Variants in DOP1B observed in about 807,000 individuals in gnomAD.
DOP1B encodes protein DOP1B.
A neutral mutation model predicts 233.5 loss-of-function variants in DOP1B; 174 were observed. The observed-to-expected ratio is 0.75, with a 90% CI of 0.66 to 0.85. The LOEUF is 0.85. DOP1B is among the 40% of genes least tolerant of loss of function. The pLI is 0.00. For missense variants in DOP1B, 2,652 were observed against 2,846.6 expected (o/e 0.93, Z 1.56); for synonymous variants, 1,190 against 1,185.6 (o/e 1.00, Z -0.08).
intron 2 of DOP1B, among the ~76,000 whole-genome samples, chr21:36,165,418 G>A (rs1020381135): frequency 1.3e-5 from 2 of 152,076 alleles, no homozygotes; most frequent in African/African-American, 4.8e-5. Context: ...GCATGTGTGT[G>A]CATACGTGTG....
intron 12 of DOP1B, among the ~76,000 whole-genome samples, chr21:36,227,472 G>A (rs376121796): frequency 0.015 from 2,220 of 151,770 alleles, 23 homozygotes; most frequent in Admixed American, 0.022. Flanking sequence ...GCGTGAACCC[G>A]GGAGGCTGAG....
rs114471759 is a variant in DOP1B, at chr21:36,230,686, C to T, written c.1902C>T (p.Ile634=). Residue 634 remains isoleucine (I), a synonymous_variant, in exon 14 of 37, where the codon ATC becomes ATT. Coordinates refer to ENST00000691173, the MANE Select transcript of DOP1B (RefSeq NM_001320714.2). The part of the protein sequence containing the change: ...QRTFLCIQEL[I]ANFASKNIFG... ...CGTTTCTTTGCATCCAAGAGCTAAT[C>T]GCCAACTTTGCCAGCAAGAACATTT... The T allele has an allele frequency of 2.2e-3, 3,529 of 1,614,136 alleles. 16 individuals are homozygous for T. The highest frequency in any genetic ancestry group is 0.016 in the African/African-American group (1,170 of 75,024).
intron 1 of DOP1B, among the ~76,000 whole-genome samples, chr21:36,159,199 C>T (rs1272896194): frequency 6.6e-6 from 1 of 152,128 alleles, no homozygotes; most frequent in African/African-American, 2.4e-5. Context: ...TGCCTGTAAT[C>T]CCAGTACTTT....
chr21:36,209,713 A>G (rs1601413708), intron 5 of DOP1B, among the ~76,000 whole-genome samples: 1 of 152,206 alleles, frequency 6.6e-6, no homozygotes, highest in East Asian at 1.9e-4. Context: ...CTTCCCTGGT[A>G]ACGACATCCC....
chr21:36,210,577 G>A lies in DOP1B; in HGVS notation c.682-976G>A, dbSNP rs371415902. ...AAGGAATCGCTTGAACCTGGGAGGC[G>A]GGGGTTGCAGTGAGCTAAGATTGCA... On this transcript the variant is annotated intron_variant, in intron 5 of 36. Transcript: ENST00000691173. Among the ~76,000 whole-genome samples the A allele has an allele frequency of 8.5e-4, 130 of 152,070 alleles. 1 individual carries two copies. Among genetic ancestry groups the A allele is most frequent in the Admixed American group, 2.0e-3 (30 of 15,266 alleles).
chr21:36,195,120 C>T (rs149091285), intron 2 of DOP1B, among the ~76,000 whole-genome samples: 3 of 152,084 alleles, frequency 2.0e-5, no homozygotes, highest in African/African-American at 7.2e-5. Flanking sequence ...GCAGGTAGAT[C>T]ACTTGTGGCC....
chr21:36,260,934 A>G (rs1310446355), intron 24 of DOP1B: 1 of 1,386,274 alleles, frequency 7.2e-7, no homozygotes, highest in Admixed American at 3.4e-5. Context: ...AAATCTGTGC[A>G]GCGTACTTTG....
intron 23 of DOP1B, 150 bp downstream of exon 23, chr21:36,254,059 T>G: frequency 9.4e-7 from 1 of 1,065,792 alleles, no homozygotes; most frequent in South Asian, 1.7e-5. Flanking sequence ...AGGTGCTGTT[T>G]GCTGTGCTTT....
rs144738332 is a variant in DOP1B, at chr21:36,247,616, C to G, written c.4797C>G (p.Asn1599Lys). 1.6e-4 allele frequency: 249 copies of G among 1,577,534 alleles called. No homozygotes were observed. The African/African-American group carries it at 3.3e-3, about 21-fold the overall frequency. Reference sequence around the variant, plus strand: ...ATTTTTGTCTTTTGGAACAAGCCAACCAAAACAAAAAGGTAAATTTTTTTT... The same window carrying G: ...ATTTTTGTCTTTTGGAACAAGCCAAGCAAAACAAAAAGGTAAATTTTTTTT... ...ISHFCLLEQA[N>K]QNKKTMAAGD... Residue 1599 changes from asparagine to lysine, a missense_variant, in exon 20 of 37, where the codon AAC becomes AAG. By Grantham distance (94) the Asn-to-Lys change is moderately conservative. Transcript: ENST00000691173.
Position 36,230,648 on chromosome 21 carries a change from AG to A in DOP1B, c.1865del (p.Ser622ThrfsTer12). ...GGACGACGTTTGGAAGAAGGGCGGG[AG>A]CATGCAGAGGACGTTTCTTTGCATC... Reference protein sequence around the residue: ...ERDDVWKKGGSMQRTFLCIQE... With the variant: ...ERDDVWKKGGXMQRTFLCIQE... On this transcript the variant is annotated frameshift_variant, in exon 14 of 37. Coordinates refer to ENST00000691173, the MANE Select transcript of DOP1B (RefSeq NM_001320714.2). LOFTEE classifies it high-confidence loss of function. The A allele has an allele frequency of 6.2e-7, 1 of 1,614,200 alleles. No homozygotes were observed. The highest frequency in any genetic ancestry group is 8.5e-7 in the Non-Finnish European group (1 of 1,180,036).
At chr21:36,208,463 A>C (rs1215541796) in intron 4 of DOP1B, among the ~76,000 whole-genome samples, 3 of 152,106 alleles carry the variant, frequency 2.0e-5, no homozygotes, top group African/African-American at 7.2e-5. Flanking sequence ...CTGCTTAGCC[A>C]CTTTCCATTG....
intron 2 of DOP1B, among the ~76,000 whole-genome samples, chr21:36,176,932 C>T (rs932234289): frequency 6.6e-5 from 10 of 152,158 alleles, no homozygotes; most frequent in Admixed American, 6.6e-4. Context: ...GATTCTCCTG[C>T]CCCAGGCTCC....
At chr21:36,169,492 C>T in intron 2 of DOP1B, 2 of 1,114,178 alleles carry the variant, frequency 1.8e-6, no homozygotes, top group South Asian at 2.6e-5. Flanking sequence ...AACTGGTGAC[C>T]CCTTTGTAGC....
chr21:36,270,812 G>A (rs2067279676), intron 27 of DOP1B, among the ~76,000 whole-genome samples: 1 of 150,894 alleles, frequency 6.6e-6, no homozygotes, highest in South Asian at 2.1e-4. Context: ...TACATGGGAG[G>A]CTGAGGCAGA....
At chr21:36,263,112 T>C (rs2067191965) in intron 24 of DOP1B, among the ~76,000 whole-genome samples, 1 of 151,126 alleles carries the variant, frequency 6.6e-6, no homozygotes, top group Non-Finnish European at 1.5e-5. Flanking sequence ...CACATGCCTG[T>C]AATCCCAGCT....
chr21:36,166,234 A>T (rs1452050195), intron 2 of DOP1B, among the ~76,000 whole-genome samples: 1 of 151,558 alleles, frequency 6.6e-6, no homozygotes, highest in Non-Finnish European at 1.5e-5. Flanking sequence ...CAGGAGATCG[A>T]GACCATCCTG....
intron 2 of DOP1B, among the ~76,000 whole-genome samples, chr21:36,181,085 A>C (rs2066093128): frequency 6.6e-6 from 1 of 152,192 alleles, no homozygotes; most frequent in Non-Finnish European, 1.5e-5. Context: ...TTCCTGGAAC[A>C]GTGTTGAATA....
rs748850629 is a variant in DOP1B, at chr21:36,253,757, T to C, written c.5122-15T>C. The C allele has an allele frequency of 6.2e-7, 1 of 1,607,878 alleles. No homozygotes were observed. Among genetic ancestry groups the C allele is most frequent in the East Asian group, 2.2e-5 (1 of 44,762 alleles). ...TCTCTATAAGCTTTCAAGGAACTTT[T>C]TTTTTTCTTGGCAGATTATCCCAAC... On this transcript the variant is annotated splice_polypyrimidine_tract_variant and intron_variant, in intron 22 of 36. Coordinates refer to ENST00000691173, the MANE Select transcript of DOP1B (RefSeq NM_001320714.2).
chr21:36,279,437 A>G (rs1423293975), intron 30 of DOP1B, among the ~76,000 whole-genome samples: 1 of 152,078 alleles, frequency 6.6e-6, no homozygotes, highest in Non-Finnish European at 1.5e-5. Context: ...AATAACCAGA[A>G]AGAAAGAAAG....
Sources: gnomAD v4.1 joint callset for allele counts (sites outside exome capture counted in the v4.1 genomes callset) on GRCh38, gnomAD v4.1.1 for gene constraint, MANE v1.5 for transcripts, NCBI Gene and HGNC (gene_info 2026-07-23, HGNC 2026-07-21) for gene names.